The following ARHGEF10L variants were observed in gnomAD, a reference collection of about 807,000 sequenced individuals.
ARHGEF10L encodes rho guanine nucleotide exchange factor 10-like protein.
Under a neutral mutation model 141.2 loss-of-function variants are expected in ARHGEF10L, and 69 were observed. The observed-to-expected ratio is 0.49, with a 90% CI of 0.40 to 0.60. The LOEUF (loss-of-function observed/expected upper bound fraction) is 0.60. Among genes scored for constraint, ARHGEF10L ranks in the 20% least tolerant of loss-of-function variants. The probability of loss-of-function intolerance (pLI) is 0.00; values close to 1 mark genes in which losing one functional copy is unlikely to be tolerated. For missense variants in ARHGEF10L, 1,482 were observed against 1,734.3 expected, an observed-to-expected ratio of 0.85 and a Z score of 2.58; for synonymous variants, 711 against 718.5, an observed-to-expected ratio of 0.99 and a Z score of 0.17.
intron 2 of ARHGEF10L, among the ~76,000 whole-genome samples, chr1:17,584,185 C>T (rs1236897143): frequency 1.3e-5 from 2 of 151,836 alleles, no homozygotes; most frequent in Non-Finnish European, 2.9e-5. Context: ...GCTGGGACTA[C>T]AGGTGTATGC....
chr1:17,656,457 C>T lies in ARHGEF10L; in HGVS notation c.2706-97C>T. The T allele has an allele frequency of 6.9e-7, 1 of 1,455,264 alleles. No homozygotes were observed. Among genetic ancestry groups the T allele is most frequent in the Non-Finnish European group, 9.3e-7 (1 of 1,070,316 alleles). The allele number at this position is 1,455,264 out of a possible 1,614,324, so 90.1% of individuals were successfully genotyped here. ...GCCGAAAGGCGTGGCTGAGAGGGGT[C>T]AGCTCCCTGGGGCCCTCTCCCTAGG... On this transcript the variant is annotated intron_variant, in intron 24 of 28. Transcript: ENST00000361221. This position sits in a 1 kb window ranked among gnomAD's most constrained non-coding sequence, Gnocchi z 4.9.
At chr1:17,525,760 TG>T in the ARHGEF10L span, among the ~76,000 whole-genome samples, 1 of 151,856 alleles carries the variant, frequency 6.6e-6, no homozygotes, top group Non-Finnish European at 1.5e-5. Flanking sequence ...CCCAGCACTT[TG>T]GGGGGCTGAG....
At chr1:17,520,222 C>G in the ARHGEF10L span, among the ~76,000 whole-genome samples, 1 of 152,178 alleles carries the variant, frequency 6.6e-6, no homozygotes, top group African/African-American at 2.4e-5. Flanking sequence ...CGTGGACTGC[C>G]AGGGCTGCCT....
At chr1:17,686,105 T>C (rs1283844863) in intron 26 of ARHGEF10L, among the ~76,000 whole-genome samples, 2 of 146,990 alleles carry the variant, frequency 1.4e-5, no homozygotes, top group Admixed American at 1.3e-4. Context: ...TTTCTTTCTT[T>C]CTTTTTTTTT....
chr1:17,589,421 A>G (rs1339072711), intron 4 of ARHGEF10L, among the ~76,000 whole-genome samples: 3 of 152,136 alleles, frequency 2.0e-5, no homozygotes, highest in Non-Finnish European at 4.4e-5. Flanking sequence ...TTAAATCCTC[A>G]CTACCCTGGT....
intron 22 of ARHGEF10L, among the ~76,000 whole-genome samples, chr1:17,649,437 C>T (rs909230284): frequency 2.0e-5 from 3 of 152,194 alleles, no homozygotes; most frequent in Non-Finnish European, 4.4e-5. Flanking sequence ...CAGTTGGGGA[C>T]CCAGGCCCAG....
At chr1:17,516,135 G>A in the ARHGEF10L span, among the ~76,000 whole-genome samples, 7 of 152,236 alleles carry the variant, frequency 4.6e-5, no homozygotes, top group Non-Finnish European at 7.3e-5. Flanking sequence ...TGGGGGAGCC[G>A]GTTGCCCGGC....
Position 17,640,319 on chromosome 1 carries a change from G to A in ARHGEF10L, c.2272+17G>A. ...TCGGACTCCGTGAGTATAGCCCCAG[G>A]GAGAGTGCCTCAGGGGGCAGGGGTG... On this transcript the variant is annotated intron_variant, in intron 21 of 28. Transcript: ENST00000361221. The A allele has an allele frequency of 6.3e-7, 1 of 1,599,826 alleles. No homozygotes were observed. Among genetic ancestry groups the A allele is most frequent in the Non-Finnish European group, 8.5e-7 (1 of 1,170,210 alleles).
chr1:17,547,402 G>A (rs2076954582), intron 1 of ARHGEF10L, among the ~76,000 whole-genome samples: 1 of 152,166 alleles, frequency 6.6e-6, no homozygotes, highest in Non-Finnish European at 1.5e-5. Flanking sequence ...CTCCTTGAGA[G>A]CCTGGCCCCA....
At chr1:17,604,072 T>A (rs901139143) in intron 6 of ARHGEF10L, among the ~76,000 whole-genome samples, 11 of 152,092 alleles carry the variant, frequency 7.2e-5, no homozygotes, top group African/African-American at 2.7e-4. Context: ...GGAACTCACC[T>A]GATGGAAGAG....
At chr1:17,657,228 G>T (rs977464961) in intron 25 of ARHGEF10L, among the ~76,000 whole-genome samples, 6 of 152,212 alleles carry the variant, frequency 3.9e-5, no homozygotes, top group African/African-American at 1.2e-4. Context: ...TGTCAGGAGG[G>T]CAGGAGGGCA....
At chr1:17,568,911 G>T (rs1458714311) in intron 1 of ARHGEF10L, among the ~76,000 whole-genome samples, 4 of 152,098 alleles carry the variant, frequency 2.6e-5, no homozygotes, top group Non-Finnish European at 5.9e-5. Context: ...AACACCTCCA[G>T]CCCAGTCTTC....
chr1:17,549,455 A>G (rs1008772408), intron 1 of ARHGEF10L, among the ~76,000 whole-genome samples: 19 of 152,138 alleles, frequency 1.2e-4, no homozygotes, highest in African/African-American at 4.3e-4. Context: ...TGAGGGGTAG[A>G]GAGGGTGTAT....
chr1:17,538,171 CG>C (rs2076608024), upstream of ARHGEF10L, among the ~76,000 whole-genome samples: 1 of 152,198 alleles, frequency 6.6e-6, no homozygotes, highest in African/African-American at 2.4e-5. Context: ...CTGGCTATGA[CG>C]GCAGGACTCA....
the ARHGEF10L span, among the ~76,000 whole-genome samples, chr1:17,518,436 T>C: frequency 1.4e-4 from 21 of 152,164 alleles, no homozygotes; most frequent in Admixed American, 1.4e-3. Flanking sequence ...TCTAGATACT[T>C]GTGCTCTTAA....
In ARHGEF10L at chr1:17,621,558, A is replaced by T. The variant is rs542669820; in HGVS notation, c.943-306A>T. Among the ~76,000 whole-genome samples, 27 of 152,312 alleles carry T rather than the reference A, an allele frequency of 1.8e-4. No individual in the cohort carries two copies. Among genetic ancestry groups the T allele is most frequent in the Middle Eastern group, 3.4e-3 (1 of 294 alleles). ...TAGGATTTTCTATTAGAGTTGTCCA[A>T]AGATGGAGGTGGTCACCCGCCACCA... On this transcript the variant is annotated intron_variant, in intron 10 of 28. Transcript: ENST00000361221. This position sits in a 1 kb window ranked among gnomAD's most constrained non-coding sequence, Gnocchi z 4.1.
intron 1 of ARHGEF10L, among the ~76,000 whole-genome samples, chr1:17,566,149 A>G (rs191497003): frequency 1.7e-4 from 26 of 152,256 alleles, no homozygotes; most frequent in African/African-American, 6.3e-4. Flanking sequence ...GACTTCACCA[A>G]TGCCCTCTGA....
Position 17,607,632 on chromosome 1 carries a change from T to C in ARHGEF10L, c.434-170T>C, listed in dbSNP as rs1489298745. On this transcript the variant is annotated intron_variant, in intron 6 of 28. Transcript: ENST00000361221. This position sits in a 1 kb window ranked among gnomAD's most constrained non-coding sequence, Gnocchi z 4.5. ...TCCTTGCCCTACGAGGGGGAAAATGTATTATCATCTTCGTTTCATGGTTGA... is the reference window on the plus strand; with the variant it reads ...TCCTTGCCCTACGAGGGGGAAAATGCATTATCATCTTCGTTTCATGGTTGA... 1.3e-5 allele frequency among the ~76,000 whole-genome samples: 2 copies of C among 152,178 alleles called. No homozygotes were observed. The highest frequency in any genetic ancestry group is 2.9e-5 in the Non-Finnish European group (2 of 68,024).
chr1:17,580,763 C>G, intron 2 of ARHGEF10L, 131 bp downstream of exon 2: 10 of 1,053,476 alleles, frequency 9.5e-6, no homozygotes, highest in Non-Finnish European at 1.3e-5. Flanking sequence ...GCTGGCCCTG[C>G]CTGGGCCGCA....
Sources: gnomAD v4.1 joint callset for allele counts (sites outside exome capture counted in the v4.1 genomes callset) on GRCh38, gnomAD v4.1.1 for gene constraint, Gnocchi (gnomAD v3.1) non-coding constraint, MANE v1.5 for transcripts, NCBI Gene and HGNC (gene_info 2026-07-23, HGNC 2026-07-21) for gene names.